ITGBL1: variants seen among roughly 807,000 people sequenced by gnomAD.
ITGBL1 encodes integrin subunit beta like 1.
In ITGBL1, 51 loss-of-function variants were observed where a neutral mutation model predicts 68.5. That is an observed-to-expected ratio of 0.74 (90% CI 0.59 to 0.94). The LOEUF (loss-of-function observed/expected upper bound fraction) is 0.94. ITGBL1 is among the 40% of genes least tolerant of loss of function. ITGBL1 has a pLI of 0.00. For synonymous variants in ITGBL1, 209 were observed against 227.3 expected (o/e 0.92, Z 0.72); for missense variants, 649 against 647.4 (o/e 1.00, Z -0.03).
At chr13:101,547,996 T>A (rs561397014) in intron 2 of ITGBL1, among the ~76,000 whole-genome samples, 1 of 151,684 alleles carries the variant, frequency 6.6e-6, no homozygotes, top group East Asian at 1.9e-4. Context: ...TCTAAAAAGG[T>A]TTATTAACCA....
chr13:101,458,094 G>T (rs185186493), intron 2 of ITGBL1, among the ~76,000 whole-genome samples: 3 of 152,170 alleles, frequency 2.0e-5, no homozygotes, highest in Non-Finnish European at 4.4e-5. Context: ...TGAAGGGAGT[G>T]TAAAGATGAG....
chr13:101,707,687 A>G (rs1288097502), intron 9 of ITGBL1, among the ~76,000 whole-genome samples: 8 of 151,500 alleles, frequency 5.3e-5, no homozygotes, highest in Admixed American at 5.3e-4. Flanking sequence ...TACTCTATTA[A>G]AAAAAACACA....
intron 7 of ITGBL1, among the ~76,000 whole-genome samples, chr13:101,599,245 T>C (rs1005850489): frequency 5.9e-5 from 9 of 151,348 alleles, no homozygotes; most frequent in African/African-American, 1.7e-4. Context: ...TTTTGAGAAG[T>C]GTCTGTTCAT....
chr13:101,719,739 G>A (rs1318934525), downstream of ITGBL1: 6 of 152,126 alleles, frequency 3.9e-5, no homozygotes, highest in South Asian at 1.0e-3. Context: ...TTGATACAAT[G>A]GACATATGCA....
At chr13:101,501,053 CTGATTACTACTGTG>C (rs1566703721) in intron 2 of ITGBL1, among the ~76,000 whole-genome samples, 1 of 152,140 alleles carries the variant, frequency 6.6e-6, no homozygotes, top group Non-Finnish European at 1.5e-5. Context: ...GGTTGTTATT[CTGATTACTACTGTG>C]TGTCTCCTCT....
intron 7 of ITGBL1, among the ~76,000 whole-genome samples, chr13:101,625,613 C>G (rs1321695307): frequency 6.6e-6 from 1 of 151,696 alleles, no homozygotes; most frequent in Non-Finnish European, 1.5e-5. Flanking sequence ...AGTACAATTG[C>G]ACGATCTAGG....
chr13:101,513,329 G>A (rs2049145186), intron 2 of ITGBL1, among the ~76,000 whole-genome samples: 1 of 152,078 alleles, frequency 6.6e-6, no homozygotes, highest in African/African-American at 2.4e-5. Context: ...ATGAGTCTGG[G>A]TAGGTGTGCA....
intron 7 of ITGBL1, among the ~76,000 whole-genome samples, chr13:101,617,540 G>T (rs1170707077): frequency 2.0e-5 from 3 of 152,162 alleles, no homozygotes; most frequent in Admixed American, 2.0e-4. Context: ...ACAGAAACAA[G>T]AAGAGAAATA....
At chr13:101,690,196 G>A (rs1023827906) in intron 7 of ITGBL1, among the ~76,000 whole-genome samples, 1 of 152,098 alleles carries the variant, frequency 6.6e-6, no homozygotes, top group Non-Finnish European at 1.5e-5. Context: ...ATGTGCCGAC[G>A]CCAGAATATT....
At chr13:101,630,839 T>C (rs930394272) in intron 7 of ITGBL1, among the ~76,000 whole-genome samples, 1 of 152,202 alleles carries the variant, frequency 6.6e-6, no homozygotes, top group African/African-American at 2.4e-5. Context: ...TGCCTCTCTG[T>C]CTCTGTATGG....
chr13:101,551,554 GC>G (rs1443832254), intron 2 of ITGBL1, among the ~76,000 whole-genome samples: 1 of 152,130 alleles, frequency 6.6e-6, no homozygotes, highest in Non-Finnish European at 1.5e-5. Context: ...TTTCTGTCTT[GC>G]TCCTCAGCTC....
In ITGBL1 at chr13:101,693,516, G is replaced by A. The variant is rs12869888; in HGVS notation, c.1132+815G>A. Among the ~76,000 whole-genome samples, 1,518 of 152,192 alleles carry A rather than the reference G, an allele frequency of 1.0e-2. 15 individuals carry two copies. The highest frequency in any genetic ancestry group is 0.017 in the Non-Finnish European group (1,152 of 67,984). ...CTTGTTACATATGTCTTATTGGAGG[G>A]TGGAGGGTGGGTTGAGGGAGAGGAT... On this transcript the variant is annotated intron_variant, in intron 8 of 10. Coordinates refer to ENST00000376180, the MANE Select transcript of ITGBL1 (RefSeq NM_004791.3).
intron 6 of ITGBL1, among the ~76,000 whole-genome samples, chr13:101,587,547 G>C (rs949147701): frequency 4.6e-5 from 7 of 152,078 alleles, no homozygotes; most frequent in African/African-American, 1.7e-4. Context: ...TATTCCTAAT[G>C]GCCGCTTACC....
At chr13:101,664,218 TAGG>T (rs2033157598) in intron 7 of ITGBL1, among the ~76,000 whole-genome samples, 1 of 152,174 alleles carries the variant, frequency 6.6e-6, no homozygotes, top group Admixed American at 6.6e-5. Flanking sequence ...AAAAAATTAT[TAGG>T]AGAAGGAGAA....
At chr13:101,662,060 A>C (rs192307612) in intron 7 of ITGBL1, among the ~76,000 whole-genome samples, 3 of 152,260 alleles carry the variant, frequency 2.0e-5, no homozygotes, top group Admixed American at 6.5e-5. Context: ...AAAGCATCGA[A>C]CTGCTTAGGC....
rs566091864 is a variant in ITGBL1 at position 101,540,928 on chromosome 13, T to A, written c.317-26771T>A. ...TTGTATCCTGAGACTTTGCTGAAGT[T>A]GCCTATCAGCTTAAGGAGATTTTGG... On this transcript the variant is annotated intron_variant, in intron 2 of 10. Coordinates refer to ENST00000376180, the MANE Select transcript of ITGBL1 (RefSeq NM_004791.3). Among the ~76,000 whole-genome samples, 591 of 133,426 alleles carry A rather than the reference T, an allele frequency of 4.4e-3. 4 individuals carry two copies. Among genetic ancestry groups the A allele is most frequent in the Middle Eastern group, 0.029 (8 of 274 alleles). The allele number at this position is 133,426 out of a possible 152,430, so 87.5% of individuals were successfully genotyped here. A position where few individuals can be genotyped will look rare whatever the true frequency, so the allele number is the denominator to read the frequency against.
At chr13:101,682,002 C>G (rs1461062186) in intron 7 of ITGBL1, among the ~76,000 whole-genome samples, 1 of 152,176 alleles carries the variant, frequency 6.6e-6, no homozygotes, top group African/African-American at 2.4e-5. Flanking sequence ...AAATTAACCT[C>G]TACCAGAAGT....
intron 7 of ITGBL1, among the ~76,000 whole-genome samples, chr13:101,679,729 T>C (rs1483011575): frequency 3.3e-5 from 5 of 152,206 alleles, no homozygotes; most frequent in Non-Finnish European, 7.3e-5. Flanking sequence ...GTAGAAGCCA[T>C]CTCAAGGTTC....
intron 2 of ITGBL1, among the ~76,000 whole-genome samples, chr13:101,524,093 T>G (rs1173087003): frequency 1.3e-5 from 2 of 151,676 alleles, no homozygotes; most frequent in Non-Finnish European, 2.9e-5. Context: ...TGTGTCTTCT[T>G]AATGAGATTA....
Sources: allele counts gnomAD v4.1 joint callset (sites outside exome capture counted in the v4.1 genomes callset), GRCh38; gene constraint gnomAD v4.1.1; transcripts MANE v1.5; gene names NCBI Gene and HGNC (gene_info 2026-07-23, HGNC 2026-07-21).